Variants in LRP4 observed in about 807,000 individuals in gnomAD.
LRP4 encodes low-density lipoprotein receptor-related protein 4.
Under a neutral mutation model 220.3 loss-of-function variants are expected in LRP4, and 95 were observed. The observed-to-expected ratio is 0.43, with a 90% CI of 0.37 to 0.51. The LOEUF (loss-of-function observed/expected upper bound fraction) is 0.51, where lower values mean the gene tolerates loss of function less well. Ranked by LOEUF, LRP4 falls within the 20% of genes least tolerant of loss-of-function variation. The probability of loss-of-function intolerance (pLI) is 0.00; values close to 1 mark genes in which losing one functional copy is unlikely to be tolerated. For synonymous variants in LRP4, 903 were observed against 954.6 expected, an observed-to-expected ratio of 0.95 and a Z score of 1.00; for missense variants, 1,925 against 2,567.0, an observed-to-expected ratio of 0.75 and a Z score of 5.40.
rs71042635 is a variant in LRP4, at chr11:46,888,548, C to CAAAAA, written c.2215+858_2215+862dup. Among the ~76,000 whole-genome samples, 111 of 31,222 alleles carry CAAAAA rather than the reference C, an allele frequency of 3.6e-3. 3 individuals carry two copies. Among genetic ancestry groups the CAAAAA allele is most frequent in the African/African-American group, 7.2e-3 (98 of 13,636 alleles). 20.5% of individuals were successfully genotyped at this position (31,222 alleles called of 152,430 possible). A position where few individuals can be genotyped will look rare whatever the true frequency, so the allele number is the denominator to read the frequency against. On this transcript the variant is annotated intron_variant, in intron 16 of 37. Coordinates refer to ENST00000378623, the MANE Select transcript of LRP4 (RefSeq NM_002334.4). ...AGCCTGGACAAGAGCAAAACTGTCT[C>CAAAAA]AAAAAAAAAAAAAAAAAAAAAAAAA...
chr11:46,890,261 G>A lies in LRP4; in HGVS notation c.1915+16C>T. 6.2e-7 allele frequency: 1 copy of A among 1,613,660 alleles called. No homozygotes were observed. The highest frequency in any genetic ancestry group is 2.2e-5 in the East Asian group (1 of 44,866). The stretch of plus-strand genomic sequence containing the variant: ...AGGAGGACAAGAGATGAAGGAGACT[G>A]AAGGAAGGGGCTCACCCTGGCTAAT... On this transcript the variant is annotated intron_variant, in intron 14 of 37. Coordinates refer to ENST00000378623, the MANE Select transcript of LRP4 (RefSeq NM_002334.4). The surrounding 1 kb of genome is among the most constrained non-coding windows in gnomAD (Gnocchi z 5.3).
At position 46,899,970 on chromosome 11, in the gene LRP4, C is replaced by T. The variant is rs772332690; in HGVS notation, c.323G>A (p.Arg108Gln). The T allele has an allele frequency of 4.5e-5, 72 of 1,612,650 alleles. No homozygotes were observed. Among genetic ancestry groups the T allele is most frequent in the South Asian group, 3.5e-4 (32 of 91,072 alleles). ...GGGAAACTCGTCCTCCTCACACTCC[C>T]GGGGGGCTGTGGGCACAGAGCAGTC... ...DDSDEQDCPPRECEEDEFPCQ... is the reference protein window; with the variant it reads ...DDSDEQDCPPQECEEDEFPCQ... The change falls in exon 4 of 38, where the codon CGG becomes CAG. Residue 108 changes from arginine (R) to glutamine (Q), a missense_variant. Physicochemically the swap from Arg to Gln is conservative, Grantham distance 43 (BLOSUM62 1). Around this residue, in one of 3 missense-constraint regions of LRP4, gnomAD observed 412 missense variants for 505.4 expected, o/e 0.82. Coordinates refer to ENST00000378623, the MANE Select transcript of LRP4 (RefSeq NM_002334.4). This position sits in a 1 kb window ranked among gnomAD's most constrained non-coding sequence, Gnocchi z 5.9.
intron 1 of LRP4, among the ~76,000 whole-genome samples, chr11:46,916,290 A>T (rs1471310805): frequency 6.6e-6 from 1 of 151,924 alleles, no homozygotes; most frequent in Non-Finnish European, 1.5e-5. Context: ...AAAAACAAAA[A>T]TTTGTAGGGT....
In LRP4 at chr11:46,873,203, C is replaced by G; in HGVS notation, c.4480G>C (p.Ala1494Pro). 1 of 1,614,190 alleles carries G rather than the reference C, an allele frequency of 6.2e-7. No homozygotes were observed. Among genetic ancestry groups the G allele is most frequent in the African/African-American group, 1.3e-5 (1 of 75,024 alleles). ...TCCAAGTTTGCCCGTTCGATCTTGG[C>G]AATGTGGCCCCAGTCTGTCCAGAAG... is the stretch of plus-strand genomic sequence containing the variant. ...YLFWTDWGHI[A>P]KIERANLDGS... is the part of the protein sequence containing the mutation. The change falls in exon 30 of 38, where the codon GCC becomes CCC. Residue 1494 changes from alanine (A) to proline (P), a missense_variant. This residue lies in a region of LRP4 where 1,244 missense variants were observed against 1,624.9 expected (regional missense o/e 0.77). Transcript: ENST00000378623. The surrounding 1 kb of genome is among the most constrained non-coding windows in gnomAD (Gnocchi z 4.2).
intron 36 of LRP4, among the ~76,000 whole-genome samples, chr11:46,864,044 A>G (rs1475009873): frequency 6.6e-6 from 1 of 152,194 alleles, no homozygotes; most frequent in East Asian, 1.9e-4. Flanking sequence ...GTACAAACCA[A>G]TATTGTAGTA....
chr11:46,864,773 C>G (rs958696850), intron 35 of LRP4, among the ~76,000 whole-genome samples: 6 of 152,210 alleles, frequency 3.9e-5, no homozygotes, highest in Admixed American at 3.3e-4. Context: ...AGCTATCTGA[C>G]ATAAGGCAAG....
intron 2 of LRP4, among the ~76,000 whole-genome samples, chr11:46,901,365 G>C (rs887524482): frequency 6.6e-6 from 1 of 152,070 alleles, no homozygotes; most frequent in Admixed American, 6.5e-5. Flanking sequence ...AGTTCATTAC[G>C]TAACACTCTG....
At position 46,873,422 on chromosome 11, in the gene LRP4, G is replaced by A; in HGVS notation, c.4401C>T (p.Asn1467=). The A allele has an allele frequency of 6.2e-7, 1 of 1,614,154 alleles. No homozygotes were observed. Among genetic ancestry groups the A allele is most frequent in the Non-Finnish European group, 8.5e-7 (1 of 1,180,038 alleles). Residue 1467 remains asparagine (N), a synonymous_variant, in exon 29 of 38, where the codon AAC becomes AAT. Transcript: ENST00000378623. This position sits in a 1 kb window ranked among gnomAD's most constrained non-coding sequence, Gnocchi z 4.2. ...LDGSCRKVLI[N]NSLDEPRAIA... ...TGGCCCGGGGCTCATCCAGGCTATTGTTGATCAGTACTTTGCGGCAGGAAC... is the reference window on the plus strand; with the variant it reads ...TGGCCCGGGGCTCATCCAGGCTATTATTGATCAGTACTTTGCGGCAGGAAC...
rs1229298192 is a variant in LRP4, at chr11:46,899,655, G to A, written c.431-152C>T. 1.1e-5 allele frequency: 8 copies of A among 755,466 alleles called. No homozygotes were observed. Among genetic ancestry groups the A allele is most frequent in the East Asian group, 2.5e-5 (1 of 39,836 alleles). 46.8% of individuals were successfully genotyped at this position (755,466 alleles called of 1,614,324 possible). A position where few individuals can be genotyped will look rare whatever the true frequency, so the allele number is the denominator to read the frequency against. On this transcript the variant is annotated intron_variant, in intron 4 of 37. Coordinates refer to ENST00000378623, the MANE Select transcript of LRP4 (RefSeq NM_002334.4). This position sits in a 1 kb window ranked among gnomAD's most constrained non-coding sequence, Gnocchi z 5.9. ...TCAGTGCAGACTCTCCAGGGAGAAC[G>A]GAGGCCCTGGAGAGACTGGGCCTCA...
chr11:46,873,672 T>G lies in LRP4; in HGVS notation c.4230-79A>C. ...GAACTTTAACCCATGTTCCCATAACTGGACCCCACTGAACTGTAAGCTCCA... is the reference window on the plus strand; with the variant it reads ...GAACTTTAACCCATGTTCCCATAACGGGACCCCACTGAACTGTAAGCTCCA... On this transcript the variant is annotated intron_variant, in intron 28 of 37. Coordinates refer to ENST00000378623, the MANE Select transcript of LRP4 (RefSeq NM_002334.4). The surrounding 1 kb of genome is among the most constrained non-coding windows in gnomAD (Gnocchi z 4.2). The G allele has an allele frequency of 8.6e-7, 1 of 1,163,732 alleles. No homozygotes were observed. The highest frequency in any genetic ancestry group is 1.3e-6 in the Non-Finnish European group (1 of 798,386). The allele number at this position is 1,163,732 out of a possible 1,614,324, so 72.1% of individuals were successfully genotyped here. A position where few individuals can be genotyped will look rare whatever the true frequency, so the allele number is the denominator to read the frequency against.
At position 46,873,739 on chromosome 11, in the gene LRP4, C is replaced by T. The variant is rs1181982680; in HGVS notation, c.4230-146G>A. ...GTATCTATGAGTACATTCCTCAGCA[C>T]CCAGCATGATAGATGTTCAATAAAA... On this transcript the variant is annotated intron_variant, in intron 28 of 37. Coordinates refer to ENST00000378623, the MANE Select transcript of LRP4 (RefSeq NM_002334.4). The surrounding 1 kb of genome is among the most constrained non-coding windows in gnomAD (Gnocchi z 4.2). The T allele has an allele frequency of 3.2e-6, 2 of 625,736 alleles. No individual in the cohort carries two copies. Among genetic ancestry groups the T allele is most frequent in the East Asian group, 2.7e-5 (1 of 36,966 alleles). 38.8% of individuals were successfully genotyped at this position (625,736 alleles called of 1,614,324 possible). A position where few individuals can be genotyped will look rare whatever the true frequency, so the allele number is the denominator to read the frequency against.
At chr11:46,900,118 A>G in intron 3 of LRP4, 142 bp from the exon 4 acceptor site, 1 of 958,486 alleles carries the variant, frequency 1.0e-6, no homozygotes, top group Non-Finnish European at 1.7e-6. Flanking sequence ...TCAGCAGCTT[A>G]TCTGACTTCG....
chr11:46,871,536 C>A lies in LRP4; in HGVS notation c.4681G>T (p.Ala1561Ser). 6.2e-7 allele frequency: 1 copy of A among 1,611,738 alleles called. No homozygotes were observed. Among genetic ancestry groups the A allele is most frequent in the Non-Finnish European group, 8.5e-7 (1 of 1,178,558 alleles). Residue 1561 changes from alanine (A) to serine (S), a missense_variant, in exon 31 of 38, where the codon GCC (alanine) becomes TCC (serine). Physicochemically the swap from Ala to Ser is moderately conservative, Grantham distance 99. Coordinates refer to ENST00000378623, the MANE Select transcript of LRP4 (RefSeq NM_002334.4). ...VLVSHVSHPFALTQQDRWIYW... is the reference protein window; with the variant it reads ...VLVSHVSHPFSLTQQDRWIYW... ...TCCTGAGCCAGTACCTGTGTGAGGG[C>A]AAAGGGGTGGGACACATGGCTGACC... is the stretch of plus-strand genomic sequence containing the variant.
intron 18 of LRP4, among the ~76,000 whole-genome samples, chr11:46,885,534 G>A (rs185855455): frequency 0.013 from 2,002 of 152,216 alleles, 23 homozygotes; most frequent in Non-Finnish European, 0.019. Context: ...AGCACTTTGG[G>A]AGGCTAAGGC....
intron 2 of LRP4, 96 bp from the exon 3 acceptor site, chr11:46,900,474 CT>C (rs1282942127): frequency 2.5e-6 from 2 of 807,248 alleles, no homozygotes. Flanking sequence ...ATCCCCTTGT[CT>C]TTTTTTCTTT....
intron 2 of LRP4, 126 bp downstream of exon 2, chr11:46,902,657 C>G (rs946125056): frequency 4.6e-5 from 50 of 1,091,410 alleles, no homozygotes; most frequent in Non-Finnish European, 6.4e-5. Flanking sequence ...ATCTATCAAG[C>G]TTGCAAAAGA....
rs2306027 is a variant in LRP4 at position 46,886,276 on chromosome 11, C to T, written c.2424+49G>A. On this transcript the variant is annotated intron_variant, in intron 17 of 37. Transcript: ENST00000378623. ...TTGGCAAAGGTATGGGAAGCCCTTC[C>T]CTGGAGAGGGTGGATTCCACCCTTC... 0.72 allele frequency: 1,150,825 copies of T among 1,599,734 alleles called. 427,212 individuals carry two copies. Among genetic ancestry groups the T allele is most frequent in the Non-Finnish European group, 0.77 (897,702 of 1,170,514 alleles).
At chr11:46,888,014 CAAAAA>C (rs59369000) in intron 16 of LRP4, among the ~76,000 whole-genome samples, 2 of 45,906 alleles carry the variant, frequency 4.4e-5, no homozygotes, top group African/African-American at 1.4e-4. Context: ...GACCCTGTCT[CAAAAA>C]AAAAAAAAAA....
rs1359829653 is a variant in LRP4 at position 46,918,053 on chromosome 11, C to A, written c.52+275G>T. ...CTCTTGAAAGAGCAGCGAGGGAGGGCGAGCGAACGAACGCCCCGGACCTTA... is the reference window on the plus strand; with the variant it reads ...CTCTTGAAAGAGCAGCGAGGGAGGGAGAGCGAACGAACGCCCCGGACCTTA... On this transcript the variant is annotated intron_variant, in intron 1 of 37. Transcript: ENST00000378623. The surrounding 1 kb of genome is among the most constrained non-coding windows in gnomAD (Gnocchi z 6.0). Among the ~76,000 whole-genome samples the A allele has an allele frequency of 1.3e-5, 2 of 152,198 alleles. No homozygotes were observed. Among genetic ancestry groups the A allele is most frequent in the South Asian group, 2.1e-4 (1 of 4,828 alleles).
Sources: gnomAD v4.1 joint callset for allele counts (sites outside exome capture counted in the v4.1 genomes callset) on GRCh38, gnomAD v4.1.1 for gene constraint, gnomAD v4.1.1 regional missense constraint, Gnocchi (gnomAD v3.1) non-coding constraint, MANE v1.5 for transcripts, NCBI Gene and HGNC (gene_info 2026-07-23, HGNC 2026-07-21) for gene names.